PTPRN2: variants seen among roughly 807,000 people sequenced by gnomAD.
The protein encoded by PTPRN2 is receptor-type tyrosine-protein phosphatase N2.
A neutral mutation model predicts 118.8 loss-of-function variants in PTPRN2; 74 were observed. The observed-to-expected ratio is 0.62, with a 90% CI of 0.52 to 0.76. PTPRN2 has a LOEUF of 0.76. Ranked by LOEUF, PTPRN2 falls within the 30% of genes least tolerant of loss-of-function variation. The probability of loss-of-function intolerance (pLI) is 0.00; values close to 1 mark genes in which losing one functional copy is unlikely to be tolerated. For missense variants in PTPRN2, 1,481 were observed against 1,394.4 expected, an observed-to-expected ratio of 1.06 and a Z score of -0.99; for synonymous variants, 641 against 608.0, an observed-to-expected ratio of 1.05 and a Z score of -0.80.
At chr7:158,064,389 C>A (rs1002487576) in intron 11 of PTPRN2, among the ~76,000 whole-genome samples, 2 of 152,102 alleles carry the variant, frequency 1.3e-5, no homozygotes, top group Non-Finnish European at 2.9e-5. Context: ...CAGCCACAGC[C>A]CCCGGGAGAG....
intron 11 of PTPRN2, among the ~76,000 whole-genome samples, chr7:157,921,254 C>A (rs1798677483): frequency 6.6e-6 from 1 of 152,134 alleles, no homozygotes; most frequent in Non-Finnish European, 1.5e-5. Context: ...ATGATTCCAA[C>A]GCTAAGACGT....
At chr7:158,051,628 G>A (rs542780153) in intron 11 of PTPRN2, among the ~76,000 whole-genome samples, 26 of 152,302 alleles carry the variant, frequency 1.7e-4, no homozygotes, top group African/African-American at 5.5e-4. Flanking sequence ...GCGAGCGCCC[G>A]CCACCTTCAT....
At chr7:157,876,268 G>T (rs1323809147) in intron 12 of PTPRN2, among the ~76,000 whole-genome samples, 2 of 152,168 alleles carry the variant, frequency 1.3e-5, no homozygotes, top group African/African-American at 4.8e-5. Context: ...TGGGCCTGAG[G>T]TAAGGCGGAC....
At chr7:157,756,687 A>G (rs1801800394) in intron 12 of PTPRN2, among the ~76,000 whole-genome samples, 1 of 152,128 alleles carries the variant, frequency 6.6e-6, no homozygotes, top group Admixed American at 6.5e-5. Context: ...AGGGAAAGGC[A>G]TGAGAAGCTG....
chr7:158,210,682 T>G (rs1475352143), intron 3 of PTPRN2, among the ~76,000 whole-genome samples: 3 of 152,162 alleles, frequency 2.0e-5, no homozygotes, highest in Non-Finnish European at 2.9e-5. Context: ...GAGGCTACTA[T>G]GAGCAACTAC....
At chr7:158,470,916 C>A (rs558970461) in intron 2 of PTPRN2, among the ~76,000 whole-genome samples, 7 of 152,048 alleles carry the variant, frequency 4.6e-5, no homozygotes, top group African/African-American at 1.7e-4. Context: ...TCACTGCAAA[C>A]TCTGCCTCCA....
intron 21 of PTPRN2, among the ~76,000 whole-genome samples, chr7:157,554,952 TCAGCACCCCAGTGTGGC>T (rs1490350747): frequency 6.7e-6 from 1 of 148,458 alleles, no homozygotes; most frequent in African/African-American, 2.6e-5. Flanking sequence ...GCCATCTTGC[TCAGCACCCCAGTGTGGC>T]GGGCGCCCCA....
intron 11 of PTPRN2, among the ~76,000 whole-genome samples, chr7:158,006,236 C>G (rs1283952071): frequency 6.6e-6 from 1 of 152,186 alleles, no homozygotes; most frequent in African/African-American, 2.4e-5. Context: ...GAGTTCACAT[C>G]CCTTTTCCTT....
chr7:157,972,166 A>G (rs1802382576), intron 11 of PTPRN2, among the ~76,000 whole-genome samples: 1 of 152,218 alleles, frequency 6.6e-6, no homozygotes, highest in South Asian at 2.1e-4. Flanking sequence ...ACAGCTTGGA[A>G]GTGTAAAAGG....
chr7:157,675,896 C>A (rs575390242), intron 13 of PTPRN2, among the ~76,000 whole-genome samples: 10 of 152,178 alleles, frequency 6.6e-5, no homozygotes, highest in Admixed American at 3.9e-4. Flanking sequence ...ACCTTTCTTC[C>A]ATGAATTTCA....
rs1027660747 is a variant in PTPRN2, at chr7:157,833,346, T to A, written c.1788+65327A>T. On this transcript the variant is annotated intron_variant, in intron 12 of 22. Coordinates refer to ENST00000389418, the MANE Select transcript of PTPRN2 (RefSeq NM_002847.5). Reference sequence around the variant, plus strand: ...TCGTCCAGGAGCGAGATGTGGCTGGTGCCCATCCATCCCATATGATGGTAA... The same window carrying A: ...TCGTCCAGGAGCGAGATGTGGCTGGAGCCCATCCATCCCATATGATGGTAA... 2.6e-3 allele frequency among the ~76,000 whole-genome samples: 387 copies of A among 149,220 alleles called. 1 individual carries two copies. The highest frequency in any genetic ancestry group is 4.1e-3 in the Non-Finnish European group (278 of 67,500).
chr7:157,930,026 C>T (rs1366020109), intron 11 of PTPRN2, among the ~76,000 whole-genome samples: 3 of 152,322 alleles, frequency 2.0e-5, no homozygotes, highest in South Asian at 2.1e-4. Context: ...GCCTGGGTGA[C>T]GCAGACTGTA....
At chr7:158,308,838 T>C (rs1440621841) in intron 3 of PTPRN2, among the ~76,000 whole-genome samples, 2 of 152,030 alleles carry the variant, frequency 1.3e-5, no homozygotes, top group Admixed American at 1.3e-4. Flanking sequence ...TATACAGAAA[T>C]ACTATAAGTA....
intron 5 of PTPRN2, among the ~76,000 whole-genome samples, chr7:158,184,453 A>G (rs1824971393): frequency 6.6e-6 from 1 of 152,212 alleles, no homozygotes; most frequent in African/African-American, 2.4e-5. Context: ...ACTCTACAGC[A>G]TTGCTATATT....
chr7:157,985,020 G>A (rs1442784158), intron 11 of PTPRN2, among the ~76,000 whole-genome samples: 1 of 152,140 alleles, frequency 6.6e-6, no homozygotes, highest in Admixed American at 6.5e-5. Context: ...CCCACCTGCA[G>A]GTGGTGGTCT....
At chr7:157,951,309 A>T (rs924856560) in intron 11 of PTPRN2, among the ~76,000 whole-genome samples, 10 of 151,500 alleles carry the variant, frequency 6.6e-5, no homozygotes, top group Non-Finnish European at 1.0e-4. Context: ...TTATTTGGTT[A>T]AAAAAAAAGG....
intron 1 of PTPRN2, among the ~76,000 whole-genome samples, chr7:158,566,054 C>T (rs1213978279): frequency 2.0e-5 from 3 of 152,116 alleles, no homozygotes; most frequent in Non-Finnish European, 4.4e-5. Flanking sequence ...CCACTGACAT[C>T]AGAAGTGGCC....
rs1456145512 is a variant in PTPRN2, at chr7:157,926,820, TG to T, written c.1724-28084del. Reference sequence around the variant, plus strand: ...GACACTCCATGGCCCCCACTGCTGTTGGGTAAGAGTCGCCTCCCCCTGCATC... The same window carrying T: ...GACACTCCATGGCCCCCACTGCTGTTGGTAAGAGTCGCCTCCCCCTGCATC... On this transcript the variant is annotated intron_variant, in intron 11 of 22. Transcript: ENST00000389418. Among the ~76,000 whole-genome samples the T allele has an allele frequency of 7.4e-4, 112 of 152,298 alleles. 1 individual carries two copies. Among genetic ancestry groups the T allele is most frequent in the Non-Finnish European group, 1.8e-4 (12 of 68,024 alleles).
At position 158,015,577 on chromosome 7, in the gene PTPRN2, C is replaced by T. The variant is rs1806392250; in HGVS notation, c.1723+65721G>A. ...CACCCCTGTATGTGCATCTGGAATC[C>T]ACTTTCAGGGGAAAGCAGAGCCCTT... On this transcript the variant is annotated intron_variant, in intron 11 of 22. Coordinates refer to ENST00000389418, the MANE Select transcript of PTPRN2 (RefSeq NM_002847.5). This position sits in a 1 kb window ranked among gnomAD's most constrained non-coding sequence, Gnocchi z 4.2. Among the ~76,000 whole-genome samples, 1 of 152,118 alleles carries T rather than the reference C, an allele frequency of 6.6e-6. No individual in the cohort carries two copies. Among genetic ancestry groups the T allele is most frequent in the South Asian group, 2.1e-4 (1 of 4,820 alleles).
Sources: allele counts gnomAD v4.1 joint callset (sites outside exome capture counted in the v4.1 genomes callset), GRCh38; gene constraint gnomAD v4.1.1; non-coding constraint Gnocchi (gnomAD v3.1); transcripts MANE v1.5; gene names NCBI Gene and HGNC (gene_info 2026-07-23, HGNC 2026-07-21).